Variants in CNTNAP2 observed in about 807,000 individuals in gnomAD.
CNTNAP2 encodes contactin associated protein 2.
Under a neutral mutation model 155.2 loss-of-function variants are expected in CNTNAP2, and 98 were observed. That is an observed-to-expected ratio of 0.63 (90% CI 0.54 to 0.75). The LOEUF (loss-of-function observed/expected upper bound fraction) is 0.75. Ranked by LOEUF, CNTNAP2 falls within the 30% of genes least tolerant of loss-of-function variation. The pLI is 0.00. For synonymous variants in CNTNAP2, 651 were observed against 631.2 expected, an observed-to-expected ratio of 1.03 and a Z score of -0.47; for missense variants, 1,727 against 1,688.1, an observed-to-expected ratio of 1.02 and a Z score of -0.40.
chr7:147,080,916 A>G (rs151196163), intron 4 of CNTNAP2: 194 of 152,066 alleles, frequency 1.3e-3, no homozygotes, highest in African/African-American at 4.5e-3. Context: ...ATGAATGAAA[A>G]TTAGAATAAA....
chr7:148,187,577 G>A (rs1352829009), intron 18 of CNTNAP2, among the ~76,000 whole-genome samples: 3 of 152,136 alleles, frequency 2.0e-5, no homozygotes, highest in Non-Finnish European at 4.4e-5. Context: ...TTTAAAACTC[G>A]ACATCTATTT....
chr7:148,299,451 C>T (rs1273626124), intron 21 of CNTNAP2, among the ~76,000 whole-genome samples: 1 of 152,208 alleles, frequency 6.6e-6, no homozygotes, highest in Non-Finnish European at 1.5e-5. Flanking sequence ...CTGGGCAGAG[C>T]CAGCTCAGGC....
chr7:146,501,601 TA>T (rs1797301003), intron 1 of CNTNAP2, among the ~76,000 whole-genome samples: 1 of 152,144 alleles, frequency 6.6e-6, no homozygotes, highest in South Asian at 2.1e-4. Flanking sequence ...TTTTCAACCG[TA>T]AGTAATTAGA....
Position 147,449,957 on chromosome 7 carries a change from C to T in CNTNAP2, c.1671-35978C>T, listed in dbSNP as rs191823301. On this transcript the variant is annotated intron_variant, in intron 10 of 23. Coordinates refer to ENST00000361727, the MANE Select transcript of CNTNAP2 (RefSeq NM_014141.6). ...GCTTTATTTTCTGTGGTTACCACTT[C>T]GGGACATCCTTCTCACTTCAATCCC... is the stretch of plus-strand genomic sequence containing the variant. Among the ~76,000 whole-genome samples the T allele has an allele frequency of 3.3e-4, 50 of 152,272 alleles. 1 individual carries two copies. Among genetic ancestry groups the T allele is most frequent in the Non-Finnish European group, 6.0e-4 (41 of 68,022 alleles).
intron 12 of CNTNAP2, among the ~76,000 whole-genome samples, chr7:147,616,602 A>T (rs10254462): frequency 0.047 from 7,085 of 152,118 alleles, 467 homozygotes; most frequent in African/African-American, 0.15. Context: ...ATCATTCCGA[A>T]ATTTGCTCAA....
intron 2 of CNTNAP2, among the ~76,000 whole-genome samples, chr7:146,802,951 A>C (rs1585097526): frequency 6.6e-6 from 1 of 152,216 alleles, no homozygotes; most frequent in East Asian, 1.9e-4. Context: ...TAGTGCTATG[A>C]AGAGAAGTGA....
At chr7:147,170,412 T>G (rs374341958) in intron 8 of CNTNAP2, among the ~76,000 whole-genome samples, 2 of 152,204 alleles carry the variant, frequency 1.3e-5, no homozygotes, top group South Asian at 2.1e-4. Context: ...ACCGGCACTG[T>G]GCCGTGGCTT....
intron 13 of CNTNAP2, among the ~76,000 whole-genome samples, chr7:147,899,444 G>A (rs1051245040): frequency 7.9e-5 from 12 of 152,164 alleles, no homozygotes; most frequent in Admixed American, 4.6e-4. Context: ...GGGCATAAAA[G>A]CTTCAGTTAA....
At chr7:147,714,335 G>C (rs963335791) in intron 13 of CNTNAP2, among the ~76,000 whole-genome samples, 4 of 151,998 alleles carry the variant, frequency 2.6e-5, no homozygotes, top group African/African-American at 9.7e-5. Flanking sequence ...ATAATTTAGA[G>C]GTTAGTGGGG....
At chr7:147,033,503 T>G (rs987876323) in intron 3 of CNTNAP2, among the ~76,000 whole-genome samples, 2 of 152,010 alleles carry the variant, frequency 1.3e-5, no homozygotes, top group African/African-American at 4.8e-5. Context: ...GCTCTATTTT[T>G]TTTCCTGTAA....
At chr7:147,739,110 A>C (rs1796910125) in intron 13 of CNTNAP2, among the ~76,000 whole-genome samples, 1 of 11,270 alleles carries the variant, frequency 8.9e-5, no homozygotes, top group East Asian at 0.02. Flanking sequence ...TACAGCTATT[A>C]ATCTCCTGCA....
At chr7:147,734,132 G>A (rs1017061003) in intron 13 of CNTNAP2, among the ~76,000 whole-genome samples, 1 of 152,156 alleles carries the variant, frequency 6.6e-6, no homozygotes, top group Non-Finnish European at 1.5e-5. Context: ...TGCCCATTCA[G>A]TATGATATTG....
intron 18 of CNTNAP2, among the ~76,000 whole-genome samples, chr7:148,205,682 C>G (rs1416048110): frequency 7.2e-5 from 11 of 152,198 alleles, no homozygotes; most frequent in Non-Finnish European, 1.5e-4. Context: ...CCACTTCATA[C>G]GCACACAAAA....
At chr7:146,226,413 C>T (rs1562997206) in intron 1 of CNTNAP2, among the ~76,000 whole-genome samples, 2 of 152,080 alleles carry the variant, frequency 1.3e-5, no homozygotes, top group South Asian at 4.1e-4. Context: ...AATCCTAGCA[C>T]TTTGGGAGGC....
intron 10 of CNTNAP2, among the ~76,000 whole-genome samples, chr7:147,459,189 G>A: frequency 6.6e-6 from 1 of 152,158 alleles, no homozygotes; most frequent in East Asian, 1.9e-4. Flanking sequence ...TTTAATTTTA[G>A]TTAATTTTAA....
At chr7:146,602,206 C>T (rs556673983) in intron 1 of CNTNAP2, among the ~76,000 whole-genome samples, 8 of 152,024 alleles carry the variant, frequency 5.3e-5, no homozygotes, top group African/African-American at 1.7e-4. Context: ...AGATTATATG[C>T]GGCTATAGAG....
At chr7:148,331,659 G>T (rs796596468) in intron 21 of CNTNAP2, among the ~76,000 whole-genome samples, 140 of 141,306 alleles carry the variant, frequency 9.9e-4, no homozygotes, top group Admixed American at 1.4e-3. Flanking sequence ...GACGGATGGA[G>T]TGGATGGATG....
chr7:148,232,107 G>A (rs1367205289), intron 20 of CNTNAP2, among the ~76,000 whole-genome samples: 1 of 152,150 alleles, frequency 6.6e-6, no homozygotes, highest in Non-Finnish European at 1.5e-5. Context: ...GTCACGGCCT[G>A]GGGAGCTCCA....
At chr7:148,413,401 A>ATAAATAAAT (rs1554432357) in intron 23 of CNTNAP2, among the ~76,000 whole-genome samples, 1 of 45,376 alleles carries the variant, frequency 2.2e-5, no homozygotes, top group African/African-American at 1.3e-4. Flanking sequence ...TCAAAAAAAA[A>ATAAATAAAT]ATATATATAT....
Sources: gnomAD v4.1 joint callset for allele counts (sites outside exome capture counted in the v4.1 genomes callset) on GRCh38, gnomAD v4.1.1 for gene constraint, MANE v1.5 for transcripts, NCBI Gene and HGNC (gene_info 2026-07-23, HGNC 2026-07-21) for gene names.